The following CCDC91 variants were observed in gnomAD, a reference collection of about 807,000 sequenced individuals.
The protein encoded by CCDC91 is coiled-coil domain containing 91, also known as coiled-coil domain-containing protein 91.
A neutral mutation model predicts 63.2 loss-of-function variants in CCDC91; 48 were observed. The ratio of observed to expected loss-of-function variants is 0.76; its 90% CI spans 0.60 to 0.97. The LOEUF (loss-of-function observed/expected upper bound fraction) is 0.97, where lower values mean the gene tolerates loss of function less well. Among genes scored for constraint, CCDC91 ranks in the 50% least tolerant of loss-of-function variants. CCDC91 has a pLI of 0.00. For missense variants in CCDC91, 500 were observed against 494.6 expected (o/e 1.01, Z -0.10); for synonymous variants, 167 against 165.8 (o/e 1.01, Z -0.06).
rs139835119 is a variant in CCDC91 at position 28,448,658 on chromosome 12, T to C, written c.763-1503T>C. Among the ~76,000 whole-genome samples, 684 of 152,256 alleles carry C rather than the reference T, an allele frequency of 4.5e-3. 10 individuals are homozygous for C. Among genetic ancestry groups the C allele is most frequent in the Admixed American group, 0.029 (449 of 15,304 alleles). ...TAGTTTGACTTCTAACATTACCAGT[T>C]CTTTTTAAGGAACATTTGTTTTCTA... On this transcript the variant is annotated intron_variant, in intron 8 of 12. Transcript: ENST00000536442.
chr12:28,201,887 G>C (rs1340893285), intron 1 of CCDC91, among the ~76,000 whole-genome samples: 1 of 145,916 alleles, frequency 6.9e-6, no homozygotes, highest in Non-Finnish European at 1.5e-5. Context: ...AACCAGTGAG[G>C]CGTGGCGTCG....
intron 12 of CCDC91, among the ~76,000 whole-genome samples, chr12:28,486,875 A>G (rs1189989173): frequency 1.3e-5 from 2 of 151,922 alleles, no homozygotes; most frequent in East Asian, 1.9e-4. Flanking sequence ...GTTTCCTTAT[A>G]TATTAAGGAG....
intron 8 of CCDC91, among the ~76,000 whole-genome samples, chr12:28,395,175 AT>A (rs2139378964): frequency 6.6e-6 from 1 of 152,294 alleles, no homozygotes; most frequent in African/African-American, 2.4e-5. Context: ...ACTGTTGTAT[AT>A]GAATACTAGA....
At chr12:28,370,856 A>T (rs1051024867) in intron 7 of CCDC91, among the ~76,000 whole-genome samples, 1 of 152,108 alleles carries the variant, frequency 6.6e-6, no homozygotes, top group Non-Finnish European at 1.5e-5. Flanking sequence ...GAAGAGCCAC[A>T]CTTTTAAGCT....
intron 7 of CCDC91, among the ~76,000 whole-genome samples, chr12:28,363,930 GA>G (rs1172598999): frequency 1.4e-5 from 2 of 144,682 alleles, no homozygotes; most frequent in East Asian, 2.0e-4. Flanking sequence ...ATAAAAGTAG[GA>G]AAAAAAGTAG....
At chr12:28,193,812 G>A (rs977620538) in intron 1 of CCDC91, among the ~76,000 whole-genome samples, 10 of 152,114 alleles carry the variant, frequency 6.6e-5, no homozygotes, top group Non-Finnish European at 8.8e-5. Context: ...CATATTGAGC[G>A]TCTTTTCCTG....
At chr12:28,431,494 A>G (rs1434447412) in intron 8 of CCDC91, among the ~76,000 whole-genome samples, 1 of 152,162 alleles carries the variant, frequency 6.6e-6, no homozygotes, top group Admixed American at 6.6e-5. Flanking sequence ...GTAGATATTA[A>G]TATAACTATT....
intron 1 of CCDC91, among the ~76,000 whole-genome samples, chr12:28,201,213 G>A (rs6487647): frequency 1.4e-5 from 2 of 147,870 alleles, no homozygotes; most frequent in South Asian, 4.2e-4. Flanking sequence ...CTGGGCGGAG[G>A]GGCTCCTCAC....
chr12:28,195,092 C>T (rs1314788208), intron 1 of CCDC91, among the ~76,000 whole-genome samples: 1 of 152,168 alleles, frequency 6.6e-6, no homozygotes, highest in Non-Finnish European at 1.5e-5. Context: ...CCACTCACAT[C>T]CTGCAGATTG....
intron 2 of CCDC91, among the ~76,000 whole-genome samples, chr12:28,258,922 C>T (rs1946637205): frequency 6.6e-6 from 1 of 151,986 alleles, no homozygotes. Flanking sequence ...TTATTCAAGA[C>T]AGATGAATCC....
intron 1 of CCDC91, among the ~76,000 whole-genome samples, chr12:28,206,835 C>G (rs1225473121): frequency 6.6e-6 from 1 of 152,188 alleles, no homozygotes; most frequent in East Asian, 1.9e-4. Flanking sequence ...GGATACATTT[C>G]TAATCATTGC....
rs562327529 is a variant in CCDC91 at position 28,257,028 on chromosome 12, T to A, written c.-14-174T>A. On this transcript the variant is annotated intron_variant, in intron 1 of 12. Coordinates refer to ENST00000536442, the MANE Select transcript of CCDC91 (RefSeq NM_018318.5). ...TGGTTGCTGAAAAAGTTACAGAAAT[T>A]GCTAATTTTGCCAAAAAGTAAAAGC... The A allele has an allele frequency of 1.9e-5, 9 of 474,520 alleles. No individual in the cohort carries two copies. In the East Asian group the frequency reaches 3.1e-4, roughly 16 times the overall value. The allele number at this position is 474,520 out of a possible 1,614,324, so 29.4% of individuals were successfully genotyped here. A position where few individuals can be genotyped will look rare whatever the true frequency, so the allele number is the denominator to read the frequency against.
At chr12:28,394,388 C>G (rs1444844277) in intron 8 of CCDC91, among the ~76,000 whole-genome samples, 1 of 151,888 alleles carries the variant, frequency 6.6e-6, no homozygotes, top group African/African-American at 2.4e-5. Context: ...ATGGCGTGAA[C>G]CTGGGAGGTG....
intron 3 of CCDC91, among the ~76,000 whole-genome samples, chr12:28,274,076 G>A (rs553590350): frequency 2.0e-4 from 30 of 152,068 alleles, no homozygotes; most frequent in African/African-American, 4.6e-4. Flanking sequence ...TGGTTTTCCC[G>A]GCACCATTTA....
chr12:28,448,086 A>G (rs2140306515), intron 8 of CCDC91, among the ~76,000 whole-genome samples: 1 of 152,228 alleles, frequency 6.6e-6, no homozygotes, highest in East Asian at 1.9e-4. Context: ...AATGAGGTAT[A>G]ATGTACTGGG....
intron 8 of CCDC91, among the ~76,000 whole-genome samples, chr12:28,436,250 A>G (rs1948899393): frequency 6.6e-6 from 1 of 151,364 alleles, no homozygotes; most frequent in Non-Finnish European, 1.5e-5. Context: ...CATCAAACTT[A>G]TCAAATCTTT....
intron 8 of CCDC91, among the ~76,000 whole-genome samples, chr12:28,436,970 C>T (rs1407657103): frequency 2.6e-5 from 4 of 151,012 alleles, no homozygotes; most frequent in Non-Finnish European, 4.4e-5. Flanking sequence ...TTTTTTGAGA[C>T]AGAGTCTCGC....
chr12:28,354,344 C>T (rs973052453), intron 6 of CCDC91, among the ~76,000 whole-genome samples: 3 of 152,110 alleles, frequency 2.0e-5, no homozygotes, highest in African/African-American at 7.2e-5. Context: ...CAAATCTTCC[C>T]CTCCTTTCTC....
At chr12:28,259,560 G>C in intron 3 of CCDC91, 118 bp downstream of exon 3, 1 of 648,246 alleles carries the variant, frequency 1.5e-6, no homozygotes. Flanking sequence ...TCTGAAAAAT[G>C]GAGTGATCCA....
Sources: allele counts gnomAD v4.1 joint callset (sites outside exome capture counted in the v4.1 genomes callset), GRCh38; gene constraint gnomAD v4.1.1; transcripts MANE v1.5; gene names NCBI Gene and HGNC (gene_info 2026-07-23, HGNC 2026-07-21).